OR3A2: variants seen among roughly 807,000 people sequenced by gnomAD.
OR3A2 encodes the protein olfactory receptor 3A2.
For missense variants in OR3A2, 318 were observed against 392.8 expected, an observed-to-expected ratio of 0.81 and a Z score of 1.61; for synonymous variants, 126 against 159.3, an observed-to-expected ratio of 0.79 and a Z score of 1.57.
intron 2 of OR3A2, among the ~76,000 whole-genome samples, chr17:3,366,657 A>C (rs2049566725): frequency 6.6e-6 from 1 of 152,218 alleles, no homozygotes; most frequent in South Asian, 2.1e-4. Context: ...GTTTCATCTC[A>C]GTTTTTCACA....
intron 2 of OR3A2, among the ~76,000 whole-genome samples, chr17:3,373,872 TTG>T (rs1204139744): frequency 6.6e-6 from 1 of 152,184 alleles, no homozygotes; most frequent in Non-Finnish European, 1.5e-5. Flanking sequence ...TTCTTTTTTA[TTG>T]TGTTATTGTT....
chr17:3,298,668 A>T (rs1277004538), intron 3 of OR3A2, among the ~76,000 whole-genome samples: 1 of 152,224 alleles, frequency 6.6e-6, no homozygotes, highest in Non-Finnish European at 1.5e-5. Context: ...GTAACAACTC[A>T]AATGCCACCT....
At chr17:3,385,770 G>C (rs886090969) in intron 1 of OR3A2, among the ~76,000 whole-genome samples, 1 of 152,104 alleles carries the variant, frequency 6.6e-6, no homozygotes. Flanking sequence ...TGAGCAACGT[G>C]ATTTTCAATC....
At chr17:3,333,220 G>GC (rs2150643500) in intron 3 of OR3A2, among the ~76,000 whole-genome samples, 1 of 152,226 alleles carries the variant, frequency 6.6e-6, no homozygotes, top group East Asian at 1.9e-4. Context: ...ACTGAAATAC[G>GC]CCCTGGTCTC....
intron 2 of OR3A2, among the ~76,000 whole-genome samples, chr17:3,341,492 G>A (rs2049318477): frequency 6.6e-6 from 1 of 152,130 alleles, no homozygotes; most frequent in South Asian, 2.1e-4. Context: ...TTGCTTGTCT[G>A]TAAAGGATTT....
intron 3 of OR3A2, chr17:3,310,809 T>A: frequency 1.3e-6 from 1 of 774,394 alleles, no homozygotes; most frequent in Non-Finnish European, 2.1e-6. Flanking sequence ...TGTTGCCCTG[T>A]CTCCTCTTAA....
chr17:3,379,160 C>T (rs73309885), intron 2 of OR3A2, among the ~76,000 whole-genome samples: 20,936 of 152,038 alleles, frequency 0.14, 1,781 homozygotes, highest in African/African-American at 0.24. Context: ...TTCCATGGGA[C>T]GTGACTATCA....
intron 3 of OR3A2, among the ~76,000 whole-genome samples, chr17:3,325,298 C>G (rs1056503521): frequency 6.6e-6 from 1 of 151,208 alleles, no homozygotes; most frequent in South Asian, 2.1e-4. Flanking sequence ...CAACCTCCAC[C>G]TCCCAGGTTC....
At chr17:3,350,360 A>T (rs1454662762) in intron 2 of OR3A2, among the ~76,000 whole-genome samples, 2 of 149,462 alleles carry the variant, frequency 1.3e-5, no homozygotes, top group East Asian at 3.9e-4. Context: ...TATCACCACC[A>T]ATCCCACAGA....
chr17:3,309,309 T>A (rs2049021854), intron 3 of OR3A2, among the ~76,000 whole-genome samples: 1 of 152,196 alleles, frequency 6.6e-6, no homozygotes. Flanking sequence ...TGGCCCTATC[T>A]GGTGATCAGA....
chr17:3,363,812 C>T (rs1160845553), intron 2 of OR3A2, among the ~76,000 whole-genome samples: 1 of 152,186 alleles, frequency 6.6e-6, no homozygotes, highest in African/African-American at 2.4e-5. Flanking sequence ...AGGAAACTTA[C>T]AATCATGACA....
At chr17:3,374,761 C>T (rs941368280) in intron 2 of OR3A2, among the ~76,000 whole-genome samples, 4 of 152,076 alleles carry the variant, frequency 2.6e-5, no homozygotes, top group East Asian at 3.8e-4. Context: ...TTTCATCTCA[C>T]GAATAAGTTC....
At chr17:3,307,203 G>T (rs1472746904) in intron 3 of OR3A2, among the ~76,000 whole-genome samples, 1 of 152,220 alleles carries the variant, frequency 6.6e-6, no homozygotes, top group African/African-American at 2.4e-5. Flanking sequence ...TTTCTGGAAA[G>T]GAGGAGACCT....
intron 2 of OR3A2, among the ~76,000 whole-genome samples, chr17:3,356,472 T>C (rs1488128565): frequency 6.6e-6 from 1 of 151,502 alleles, no homozygotes; most frequent in Non-Finnish European, 1.5e-5. Flanking sequence ...TTATTTTCCT[T>C]CATGCTTGAA....
intron 2 of OR3A2, among the ~76,000 whole-genome samples, chr17:3,366,858 G>A (rs1441741638): frequency 6.6e-6 from 1 of 152,294 alleles, no homozygotes. Context: ...GGCATACAGT[G>A]TTTGTGCTTT....
At chr17:3,346,808 C>T (rs9902623) in intron 2 of OR3A2, among the ~76,000 whole-genome samples, 23,013 of 152,092 alleles carry the variant, frequency 0.15, 2,316 homozygotes, top group African/African-American at 0.28. Context: ...CTTCCTGTGC[C>T]TGGCTTATTC....
At chr17:3,316,985 C>T (rs1188438950) in intron 3 of OR3A2, among the ~76,000 whole-genome samples, 1 of 152,122 alleles carries the variant, frequency 6.6e-6, no homozygotes, top group African/African-American at 2.4e-5. Flanking sequence ...AGGCTTTTTT[C>T]ACTCACCTAC....
At chr17:3,358,794 T>A (rs570751291) in intron 2 of OR3A2, among the ~76,000 whole-genome samples, 1 of 151,874 alleles carries the variant, frequency 6.6e-6, no homozygotes, top group East Asian at 1.9e-4. Flanking sequence ...GTCTATCAGT[T>A]CTATTTGTTC....
chr17:3,291,018 G>C (rs2048860521), intron 3 of OR3A2: 1 of 152,204 alleles, frequency 6.6e-6, no homozygotes, highest in South Asian at 2.1e-4. Flanking sequence ...AAGTCTGTGA[G>C]CTGCACACAG....
Sources: gnomAD v4.1 joint callset for allele counts (sites outside exome capture counted in the v4.1 genomes callset) on GRCh38, gnomAD v4.1.1 for gene constraint, MANE v1.5 for transcripts, NCBI Gene and HGNC (gene_info 2026-07-23, HGNC 2026-07-21) for gene names.